The following FSTL5 variants were observed in gnomAD, a reference collection of about 807,000 sequenced individuals.
FSTL5 encodes the protein follistatin like 5.
In FSTL5, 62 loss-of-function variants were observed where a neutral mutation model predicts 89.1. That is an observed-to-expected ratio of 0.70 (90% CI 0.57 to 0.86). The LOEUF (loss-of-function observed/expected upper bound fraction) is 0.86. FSTL5 is among the 40% of genes least tolerant of loss of function. FSTL5 has a pLI of 0.00. For missense variants in FSTL5, 1,057 were observed against 1,001.6 expected, an observed-to-expected ratio of 1.06 and a Z score of -0.75; for synonymous variants, 383 against 346.2, an observed-to-expected ratio of 1.11 and a Z score of -1.18.
intron 13 of FSTL5, among the ~76,000 whole-genome samples, chr4:161,479,035 G>A (rs1729406527): frequency 6.6e-6 from 1 of 152,028 alleles, no homozygotes; most frequent in South Asian, 2.1e-4. Context: ...CAAATAGGTA[G>A]TATCTAGAAG....
At chr4:161,747,758 C>T (rs892012630) in intron 6 of FSTL5, among the ~76,000 whole-genome samples, 2 of 152,156 alleles carry the variant, frequency 1.3e-5, no homozygotes, top group Non-Finnish European at 2.9e-5. Flanking sequence ...TGATATGCAG[C>T]ACTCAGGCCC....
intron 4 of FSTL5, among the ~76,000 whole-genome samples, chr4:161,817,070 G>T (rs953395534): frequency 6.6e-6 from 1 of 152,096 alleles, no homozygotes; most frequent in Non-Finnish European, 1.5e-5. Flanking sequence ...TACTAACAAT[G>T]ATTAAGTTTA....
At position 161,698,381 on chromosome 4, in the gene FSTL5, G is replaced by T. The variant is rs540411650; in HGVS notation, c.728-41887C>A. ...CTGAAGTGGCTGGCAGGTGGGTTGG[G>T]GAGATGTTAATTAAATGATGCAAAA... On this transcript the variant is annotated intron_variant, in intron 6 of 15. Transcript: ENST00000306100. 6.6e-5 allele frequency among the ~76,000 whole-genome samples: 10 copies of T among 152,262 alleles called. 1 individual carries two copies. In the East Asian group the frequency reaches 1.7e-3, roughly 26 times the overall value.
chr4:161,455,176 T>C (rs752838236), intron 14 of FSTL5, 48 bp from the exon 15 acceptor site: 11 of 1,432,610 alleles, frequency 7.7e-6, no homozygotes, highest in Non-Finnish European at 1.0e-5. Context: ...AGTCACTTCA[T>C]AGTATAAGCT....
intron 3 of FSTL5, among the ~76,000 whole-genome samples, chr4:162,006,449 T>G (rs1736618265): frequency 1.3e-5 from 2 of 151,798 alleles, no homozygotes; most frequent in South Asian, 4.2e-4. Context: ...GATAAATGAG[T>G]GATATTGAAA....
intron 2 of FSTL5, among the ~76,000 whole-genome samples, chr4:162,066,917 G>T (rs188496547): frequency 1.3e-5 from 2 of 152,190 alleles, no homozygotes; most frequent in East Asian, 3.9e-4. Context: ...CTTTATAGTA[G>T]AATGAATTAT....
chr4:161,596,805 A>T (rs1734025877), intron 7 of FSTL5, among the ~76,000 whole-genome samples: 1 of 152,126 alleles, frequency 6.6e-6, no homozygotes, highest in South Asian at 2.1e-4. Context: ...GAATGGAGTA[A>T]AATGAGCTGC....
In FSTL5 at chr4:162,033,642, T is replaced by C. The variant is rs1234493230; in HGVS notation, c.143A>G (p.Glu48Gly). The change falls in exon 3 of 16, where the codon GAA becomes GGA. Residue 48 changes from glutamate (E) to glycine (G), a missense_variant. By Grantham distance (98) the Glu-to-Gly change is moderately conservative (BLOSUM62 -2). Coordinates refer to ENST00000306100, the MANE Select transcript of FSTL5 (RefSeq NM_020116.5). ...RLRHKQEKNQESSRVKGFMIQ... is the reference protein window; with the variant it reads ...RLRHKQEKNQGSSRVKGFMIQ... ...TTTCTTACCTTTGACTCTTGAACTT[T>C]CTTGATTTTTTTCCTGCTGGAAATA... 4 of 1,496,284 alleles carry C rather than the reference T, an allele frequency of 2.7e-6. No individual in the cohort carries two copies. The South Asian group carries it at 4.8e-5, about 18-fold the overall frequency. 92.7% of individuals were successfully genotyped at this position (1,496,284 alleles called of 1,614,324 possible).
At chr4:162,037,888 C>A (rs183389853) in intron 2 of FSTL5, among the ~76,000 whole-genome samples, 1 of 152,000 alleles carries the variant, frequency 6.6e-6, no homozygotes, top group East Asian at 1.9e-4. Context: ...TTACATTATT[C>A]ACAATGGCAA....
chr4:161,988,203 G>A (rs928916178), intron 3 of FSTL5, among the ~76,000 whole-genome samples: 7 of 151,728 alleles, frequency 4.6e-5, no homozygotes, highest in Admixed American at 2.6e-4. Context: ...TTGTCCCATC[G>A]TATTCAGCAA....
At chr4:161,729,229 A>AT (rs1282186584) in intron 6 of FSTL5, among the ~76,000 whole-genome samples, 1 of 152,122 alleles carries the variant, frequency 6.6e-6, no homozygotes, top group Non-Finnish European at 1.5e-5. Context: ...ATAACAAATG[A>AT]TTTTTTTAAA....
chr4:161,904,932 AT>A (rs1293817368), intron 4 of FSTL5, among the ~76,000 whole-genome samples: 1 of 151,912 alleles, frequency 6.6e-6, no homozygotes, highest in African/African-American at 2.4e-5. Context: ...GTATATGTAT[AT>A]TTTTAAATGT....
At chr4:162,124,038 T>C (rs57722668) in intron 1 of FSTL5, among the ~76,000 whole-genome samples, 10,417 of 152,214 alleles carry the variant, frequency 0.068, 764 homozygotes, top group African/African-American at 0.18. Context: ...AGGTAGAGTA[T>C]TCAGATGAGT....
At chr4:161,473,471 G>A (rs918027571) in intron 13 of FSTL5, among the ~76,000 whole-genome samples, 6 of 145,554 alleles carry the variant, frequency 4.1e-5, no homozygotes, top group Non-Finnish European at 5.9e-5. Flanking sequence ...TGTCTCCCAG[G>A]CTGGAGTGCA....
At chr4:161,548,484 G>A (rs1304217452) in intron 8 of FSTL5, among the ~76,000 whole-genome samples, 3 of 151,870 alleles carry the variant, frequency 2.0e-5, no homozygotes, top group Non-Finnish European at 4.4e-5. Flanking sequence ...ATGATAGACA[G>A]TGTAGTGAAT....
rs1741027318 is a variant in FSTL5, at chr4:161,766,910, T to TA, written c.607-7380_607-7379insT. On this transcript the variant is annotated intron_variant, in intron 5 of 15. Transcript: ENST00000306100. ...GATAGACAATAGATGATAGATCGAT[T>TA]GATAGATAGATAGATAGATAGATAG... Among the ~76,000 whole-genome samples, 159 of 106,806 alleles carry TA rather than the reference T, an allele frequency of 1.5e-3. 1 individual carries two copies. The highest frequency in any genetic ancestry group is 5.1e-3 in the African/African-American group (94 of 18,396). The allele number at this position is 106,806 out of a possible 152,430, so 70.1% of individuals were successfully genotyped here. A position where few individuals can be genotyped will look rare whatever the true frequency, so the allele number is the denominator to read the frequency against.
At chr4:161,478,979 G>A (rs1365810093) in intron 13 of FSTL5, among the ~76,000 whole-genome samples, 1 of 150,374 alleles carries the variant, frequency 6.7e-6, no homozygotes, top group African/African-American at 2.5e-5. Context: ...CTCAAAATCA[G>A]TCAGTAGTTA....
intron 2 of FSTL5, among the ~76,000 whole-genome samples, chr4:162,078,653 G>A (rs1356798217): frequency 1.3e-5 from 2 of 151,710 alleles, no homozygotes; most frequent in Non-Finnish European, 2.9e-5. Context: ...ATCCAAAGGA[G>A]GAATGCTCCC....
intron 3 of FSTL5, chr4:162,022,927 G>C (rs925272924): frequency 6.6e-6 from 1 of 152,152 alleles, no homozygotes; most frequent in Admixed American, 6.6e-5. Context: ...ACACTCAAAA[G>C]GGTTAGAAGA....
Sources: allele counts gnomAD v4.1 joint callset (sites outside exome capture counted in the v4.1 genomes callset), GRCh38; gene constraint gnomAD v4.1.1; transcripts MANE v1.5; gene names NCBI Gene and HGNC (gene_info 2026-07-23, HGNC 2026-07-21).